DNMT3A: variants seen among roughly 807,000 people sequenced by gnomAD.
DNMT3A encodes the protein DNA (cytosine-5)-methyltransferase 3A.
DNMT3A carries 267 observed loss-of-function variants against 117.6 expected under a neutral mutation model. That is an observed-to-expected ratio of 2.27 (90% CI 2.05 to 2.51). The LOEUF is 2.51. Ranked by LOEUF, DNMT3A falls within the 30% of genes most tolerant of loss-of-function variation. The pLI is 0.00. For missense variants in DNMT3A, 1,029 were observed against 1,260.2 expected (o/e 0.82, Z 2.78); for synonymous variants, 432 against 474.8 (o/e 0.91, Z 1.17).
intron 1 of DNMT3A, chr2:25,328,733 G>A (rs2034890833): frequency 2.0e-6 from 1 of 502,028 alleles, no homozygotes; most frequent in Admixed American, 2.2e-5. Context: ...CATTCTAGGG[G>A]TCGCTTGGCA....
At chr2:25,265,419 T>C (rs1471053419) in intron 6 of DNMT3A, among the ~76,000 whole-genome samples, 1 of 152,212 alleles carries the variant, frequency 6.6e-6, no homozygotes, top group Non-Finnish European at 1.5e-5. Flanking sequence ...AACACGAGAT[T>C]TGGAGTCTAG....
chr2:25,271,472 C>CGTA (rs2030900600), intron 6 of DNMT3A, among the ~76,000 whole-genome samples: 2 of 152,324 alleles, frequency 1.3e-5, no homozygotes, highest in East Asian at 3.9e-4. Flanking sequence ...TGCATCTAGC[C>CGTA]CCTTCCTAAC....
chr2:25,309,221 G>A (rs1012967621), intron 2 of DNMT3A, among the ~76,000 whole-genome samples: 20 of 152,160 alleles, frequency 1.3e-4, no homozygotes, highest in Admixed American at 7.2e-4. Flanking sequence ...ACAGCCTTGC[G>A]GAGCCCTGCT....
chr2:25,234,407 G>C lies in DNMT3A; in HGVS notation c.2611C>G (p.Pro871Ala). Reference protein sequence around the residue: ...CTEMERVFGFPVHYTDVSNMS... With the variant: ...CTEMERVFGFAVHYTDVSNMS... ...TTGGAGACGTCAGTATAGTGGACTG[G>C]GAAACCAAATACCCTGGGGGAGAAA... The change falls in exon 23 of 23, where the codon CCA becomes GCA. Residue 871 changes from proline to alanine, a missense_variant. Physicochemically the swap from Pro to Ala is conservative, Grantham distance 27. Coordinates refer to ENST00000321117, the MANE Select transcript of DNMT3A (RefSeq NM_022552.5). The surrounding 1 kb of genome is among the most constrained non-coding windows in gnomAD (Gnocchi z 4.5). 1 of 1,613,434 alleles carries C rather than the reference G, an allele frequency of 6.2e-7. No homozygotes were observed. Among genetic ancestry groups the C allele is most frequent in the Non-Finnish European group, 8.5e-7 (1 of 1,179,616 alleles).
At chr2:25,330,019 C>T (rs1173451509) in intron 1 of DNMT3A, among the ~76,000 whole-genome samples, 1 of 152,222 alleles carries the variant, frequency 6.6e-6, no homozygotes, top group Non-Finnish European at 1.5e-5. Flanking sequence ...CAATAGAATT[C>T]CTCCAAAAGC....
Position 25,327,622 on chromosome 2 carries a change from G to A in DNMT3A, c.-177-13461C>T, listed in dbSNP as rs1284159293. 1.3e-5 allele frequency among the ~76,000 whole-genome samples: 2 copies of A among 152,104 alleles called. No homozygotes were observed. Among genetic ancestry groups the A allele is most frequent in the Non-Finnish European group, 2.9e-5 (2 of 68,030 alleles). ...TTCTGCACGGTGGGTGCTCCTCAAA[G>A]GTCATGTTCTACCTTCAGCTTCTCT... On this transcript the variant is annotated intron_variant, in intron 1 of 22. Transcript: ENST00000321117. This position sits in a 1 kb window ranked among gnomAD's most constrained non-coding sequence, Gnocchi z 4.1.
intron 1 of DNMT3A, among the ~76,000 whole-genome samples, chr2:25,336,630 G>A (rs1020441951): frequency 4.6e-5 from 7 of 151,776 alleles, no homozygotes; most frequent in Non-Finnish European, 1.0e-4. Context: ...CTCCCTCCCT[G>A]CTGTCCTCTC....
chr2:25,248,650 C>T (rs1271218578), intron 6 of DNMT3A, among the ~76,000 whole-genome samples: 5 of 152,008 alleles, frequency 3.3e-5, no homozygotes, highest in African/African-American at 9.7e-5. Flanking sequence ...CAGGTTCAAG[C>T]GATTCGCCTG....
chr2:25,292,808 A>C (rs893941009), intron 3 of DNMT3A, among the ~76,000 whole-genome samples: 22 of 152,090 alleles, frequency 1.4e-4, no homozygotes, highest in Admixed American at 6.5e-5. Context: ...TGATGAAAGA[A>C]AGCCCATGTC....
At chr2:25,249,104 T>C (rs376701929) in intron 6 of DNMT3A, among the ~76,000 whole-genome samples, 52 of 152,320 alleles carry the variant, frequency 3.4e-4, no homozygotes, top group African/African-American at 1.2e-3. Flanking sequence ...TCTCCTATCT[T>C]CTTAATCAAG....
intron 19 of DNMT3A, 132 bp downstream of exon 19, chr2:25,240,170 C>T: frequency 7.4e-7 from 1 of 1,343,038 alleles, no homozygotes; most frequent in Non-Finnish European, 1.0e-6. Flanking sequence ...AAGCCTGGGG[C>T]TTCCCAAACA....
At chr2:25,245,196 C>G in intron 13 of DNMT3A, 57 bp downstream of exon 13, 1 of 1,551,786 alleles carries the variant, frequency 6.4e-7, no homozygotes, top group Non-Finnish European at 8.9e-7. Context: ...ACACAGTCAG[C>G]CAGAAGGCCG....
intron 6 of DNMT3A, among the ~76,000 whole-genome samples, chr2:25,259,229 C>T (rs1335623118): frequency 6.6e-6 from 1 of 152,232 alleles, no homozygotes; most frequent in Non-Finnish European, 1.5e-5. Flanking sequence ...CACTTCCACC[C>T]GCTATCCTGG....
Position 25,228,151 on chromosome 2 carries a change from C to T in DNMT3A, c.*6128G>A, listed in dbSNP as rs1168726290. 1 of 126,184 alleles carries T rather than the reference C, an allele frequency of 7.9e-6. No individual in the cohort carries two copies. The highest frequency in any genetic ancestry group is 3.0e-5 in the African/African-American group (1 of 32,976). 7.8% of individuals were successfully genotyped at this position (126,184 alleles called of 1,614,324 possible). A position where few individuals can be genotyped will look rare whatever the true frequency, so the allele number is the denominator to read the frequency against. On this transcript the variant is annotated 3_prime_UTR_variant, in exon 23 of 23. Coordinates refer to ENST00000321117, the MANE Select transcript of DNMT3A (RefSeq NM_022552.5). ...CGCCCTTCCCTGAATGTCCTAGAACCAGACTGTGAAATGTACATTATTATT... is the reference window on the plus strand; with the variant it reads ...CGCCCTTCCCTGAATGTCCTAGAACTAGACTGTGAAATGTACATTATTATT...
At chr2:25,251,971 G>A (rs568035144) in intron 6 of DNMT3A, 8 of 531,074 alleles carry the variant, frequency 1.5e-5, no homozygotes, top group South Asian at 1.4e-4. Flanking sequence ...AGGTGCCACT[G>A]GAGCCCTCGA....
chr2:25,296,252 A>G lies in DNMT3A; in HGVS notation c.177+3887T>C, dbSNP rs940267473. Among the ~76,000 whole-genome samples the G allele has an allele frequency of 2.6e-5, 4 of 152,188 alleles. No homozygotes were observed. Among genetic ancestry groups the G allele is most frequent in the African/African-American group, 9.7e-5 (4 of 41,448 alleles). ...GAAGGGAAAGGCCAGTGTGGGTCACAGTGGCTGAACTGGGCTTCATTTTCA... is the reference window on the plus strand; with the variant it reads ...GAAGGGAAAGGCCAGTGTGGGTCACGGTGGCTGAACTGGGCTTCATTTTCA... On this transcript the variant is annotated intron_variant, in intron 3 of 22. Coordinates refer to ENST00000321117, the MANE Select transcript of DNMT3A (RefSeq NM_022552.5). The surrounding 1 kb of genome is among the most constrained non-coding windows in gnomAD (Gnocchi z 4.2).
rs750329747 is a variant in DNMT3A at position 25,237,883 on chromosome 2, A to G, written c.2409-878T>C. Among the ~76,000 whole-genome samples the G allele has an allele frequency of 1.4e-4, 21 of 152,212 alleles. No individual in the cohort carries two copies. Among genetic ancestry groups the G allele is most frequent in the Non-Finnish European group, 2.9e-4 (20 of 68,040 alleles). On this transcript the variant is annotated intron_variant, in intron 20 of 22. Transcript: ENST00000321117. The surrounding 1 kb of genome is among the most constrained non-coding windows in gnomAD (Gnocchi z 5.4). The stretch of plus-strand genomic sequence containing the variant: ...CATAACTGACTGGCTGTCCCCTTCA[A>G]CGCTGACCTTTTCTGACATGTAAGG...
chr2:25,341,449 A>G (rs1233765289), intron 1 of DNMT3A, among the ~76,000 whole-genome samples: 5 of 144,004 alleles, frequency 3.5e-5, no homozygotes, highest in Non-Finnish European at 7.7e-5. Flanking sequence ...CCCCTGCGGC[A>G]GCGGCGAGCC....
At chr2:25,250,822 G>A (rs1675434961) in intron 6 of DNMT3A, among the ~76,000 whole-genome samples, 1 of 152,222 alleles carries the variant, frequency 6.6e-6, no homozygotes, top group Non-Finnish European at 1.5e-5. Context: ...GTAGCAGTGG[G>A]CGGGAAGGGG....
Sources: gnomAD v4.1 joint callset for allele counts (sites outside exome capture counted in the v4.1 genomes callset) on GRCh38, gnomAD v4.1.1 for gene constraint, Gnocchi (gnomAD v3.1) non-coding constraint, MANE v1.5 for transcripts, NCBI Gene and HGNC (gene_info 2026-07-23, HGNC 2026-07-21) for gene names.